Variants in OPN3 observed in about 807,000 individuals in gnomAD.
OPN3 encodes the protein opsin 3.
OPN3 carries 29 observed loss-of-function variants against 33.8 expected under a neutral mutation model. The ratio of observed to expected loss-of-function variants is 0.86; its 90% confidence interval spans 0.64 to 1.17. The LOEUF (loss-of-function observed/expected upper bound fraction) is 1.17. OPN3 is among the 50% of genes most tolerant of loss of function. OPN3 has a pLI of 0.00. For missense variants in OPN3, 437 were observed against 514.1 expected (o/e 0.85, Z 1.45); for synonymous variants, 216 against 216.1 (o/e 1.00, Z 0.00).
At chr1:241,595,708 A>C (rs1381573097) in intron 3 of OPN3, 3 of 152,176 alleles carry the variant, frequency 2.0e-5, no homozygotes, top group African/African-American at 7.2e-5. Flanking sequence ...ACTGCCTGAT[A>C]ATGTCTTGAG....
intron 1 of OPN3, chr1:241,635,218 T>C (rs1171434928): frequency 1.2e-6 from 2 of 1,613,576 alleles, no homozygotes; most frequent in South Asian, 1.1e-5. Flanking sequence ...AAGTTTTATC[T>C]CCACAATACT....
intron 1 of OPN3, among the ~76,000 whole-genome samples, chr1:241,606,529 G>C (rs563299352): frequency 6.6e-6 from 1 of 150,378 alleles, no homozygotes; most frequent in Admixed American, 6.7e-5. Context: ...TGGGCAACAA[G>C]AGTGAGACTC....
rs1573947742 is a variant in OPN3 at position 241,594,892 on chromosome 1, A to G, written c.946-201T>C. Reference sequence around the variant, plus strand: ...CTTTTATTCATTCTAATTCTTATTAACCGGAATATGTAGGACCATTTCAAT... The same window carrying G: ...CTTTTATTCATTCTAATTCTTATTAGCCGGAATATGTAGGACCATTTCAAT... On this transcript the variant is annotated intron_variant, in intron 3 of 3. Coordinates refer to ENST00000366554, the MANE Select transcript of OPN3 (RefSeq NM_014322.3). 3.1e-5 allele frequency: 18 copies of G among 586,368 alleles called. No homozygotes were observed. In the East Asian group the frequency reaches 5.2e-4, roughly 17 times the overall value. 36.3% of individuals were successfully genotyped at this position (586,368 alleles called of 1,614,324 possible).
At chr1:241,604,179 G>A (rs1663756947) in intron 2 of OPN3, 81 bp downstream of exon 2, 1 of 1,309,716 alleles carries the variant, frequency 7.6e-7, no homozygotes, top group South Asian at 1.3e-5. Flanking sequence ...GATGACATAG[G>A]AAGACTTTCA....
intron 1 of OPN3, among the ~76,000 whole-genome samples, chr1:241,605,710 A>C (rs1663810852): frequency 6.6e-6 from 1 of 152,236 alleles, no homozygotes. Flanking sequence ...AAGCATTTGC[A>C]CACAAGGCAG....
At chr1:241,638,498 C>T (rs981372322) in intron 1 of OPN3, among the ~76,000 whole-genome samples, 4 of 152,204 alleles carry the variant, frequency 2.6e-5, no homozygotes, top group African/African-American at 9.7e-5. Flanking sequence ...CTGGAGAACA[C>T]TACTGATGAT....
Position 241,624,909 on chromosome 1 carries a change from A to G in OPN3, c.373+14973T>C, listed in dbSNP as rs558361648. On this transcript the variant is annotated intron_variant, in intron 1 of 3. Transcript: ENST00000366554. ...CAAGCTCTTTGTCTTCACATTGTCTATTTACCCATCTGCAAATGGGGATAA... is the reference window on the plus strand; with the variant it reads ...CAAGCTCTTTGTCTTCACATTGTCTGTTTACCCATCTGCAAATGGGGATAA... 4.6e-5 allele frequency among the ~76,000 whole-genome samples: 7 copies of G among 152,254 alleles called. No homozygotes were observed. In the South Asian group the frequency reaches 8.3e-4, roughly 18 times the overall value.
intron 1 of OPN3, chr1:241,634,582 A>C: frequency 6.2e-7 from 1 of 1,613,828 alleles, no homozygotes; most frequent in Non-Finnish European, 8.5e-7. Flanking sequence ...TTCCACCAAA[A>C]ACTGCACACA....
At chr1:241,606,873 C>G (rs74150333) in intron 1 of OPN3, among the ~76,000 whole-genome samples, 1 of 152,094 alleles carries the variant, frequency 6.6e-6, no homozygotes, top group African/African-American at 2.4e-5. Flanking sequence ...CAGCTCCCCA[C>G]GAAATAGCTC....
At position 241,640,245 on chromosome 1, in the gene OPN3, C is replaced by A; in HGVS notation, c.10G>T (p.Gly4Trp). ...TAGCCGTGGCCGCCGCTGCGGTTCC[C>A]CGAGTACATGGCCCGGCGCCGGCGC... MYS[G>W]NRSGGHGYWD... Residue 4 changes from glycine to tryptophan, a missense_variant, in exon 1 of 4, where the codon GGG becomes TGG. By Grantham distance (184) the Gly-to-Trp change is radical. Coordinates refer to ENST00000366554, the MANE Select transcript of OPN3 (RefSeq NM_014322.3). 7.8e-7 allele frequency: 1 copy of A among 1,278,932 alleles called. No individual in the cohort carries two copies. The highest frequency in any genetic ancestry group is 2.6e-5 in the South Asian group (1 of 38,442). 79.2% of individuals were successfully genotyped at this position (1,278,932 alleles called of 1,614,324 possible).
chr1:241,615,296 A>G (rs1425652498), intron 1 of OPN3, among the ~76,000 whole-genome samples: 1 of 152,112 alleles, frequency 6.6e-6, no homozygotes, highest in Non-Finnish European at 1.5e-5. Context: ...CACTCATAGA[A>G]TAAAAGTGTG....
At chr1:241,618,098 T>C (rs1467686989) in intron 1 of OPN3, among the ~76,000 whole-genome samples, 1 of 127,090 alleles carries the variant, frequency 7.9e-6, no homozygotes, top group Non-Finnish European at 1.7e-5. Flanking sequence ...AAGTAGGTGT[T>C]AGAACAAGGC....
In OPN3 at chr1:241,624,478, T is replaced by C. The variant is rs572619837; in HGVS notation, c.373+15404A>G. 1.4e-4 allele frequency among the ~76,000 whole-genome samples: 21 copies of C among 152,364 alleles called. No individual in the cohort carries two copies. In the South Asian group the frequency reaches 1.7e-3, roughly 12 times the overall value. ...CACCTTTTCTTTTTTGAAGCATTCC[T>C]AGATTTCCCTAGCAGGACTACTCTG... On this transcript the variant is annotated intron_variant, in intron 1 of 3. Transcript: ENST00000366554.
chr1:241,634,941 C>G (rs766611175), intron 1 of OPN3: 1 of 1,613,254 alleles, frequency 6.2e-7, no homozygotes, highest in Non-Finnish European at 8.5e-7. Context: ...GAACAAGGAA[C>G]TTGTTCTACC....
At chr1:241,612,232 A>AT (rs1664019495) in intron 1 of OPN3, among the ~76,000 whole-genome samples, 2 of 152,204 alleles carry the variant, frequency 1.3e-5, no homozygotes, top group Non-Finnish European at 2.9e-5. Flanking sequence ...GCAACTGTAA[A>AT]TACCTGTCTT....
intron 2 of OPN3, chr1:241,600,785 C>A (rs1663658060): frequency 6.6e-6 from 1 of 152,118 alleles, no homozygotes; most frequent in Non-Finnish European, 1.5e-5. Context: ...GTAACTCATT[C>A]CAAAAATAGT....
chr1:241,624,814 G>A (rs1310268837), intron 1 of OPN3, among the ~76,000 whole-genome samples: 1 of 152,148 alleles, frequency 6.6e-6, no homozygotes, highest in East Asian at 1.9e-4. Flanking sequence ...CACCAAGCTT[G>A]GGGGTTATGG....
chr1:241,625,266 T>A (rs942213316), intron 1 of OPN3, among the ~76,000 whole-genome samples: 1 of 152,228 alleles, frequency 6.6e-6, no homozygotes, highest in Non-Finnish European at 1.5e-5. Flanking sequence ...AGTGCAAATG[T>A]GTGTACAATT....
chr1:241,594,972 A>T, intron 3 of OPN3: 1 of 322,842 alleles, frequency 3.1e-6, no homozygotes, highest in East Asian at 5.9e-5. Context: ...GGGCAGGTAC[A>T]ACTATTAAGA....
Sources: gnomAD v4.1 joint callset for allele counts (sites outside exome capture counted in the v4.1 genomes callset) on GRCh38, gnomAD v4.1.1 for gene constraint, MANE v1.5 for transcripts, NCBI Gene and HGNC (gene_info 2026-07-23, HGNC 2026-07-21) for gene names.